Variants in LMO7 observed in about 807,000 individuals in gnomAD.
LMO7 encodes LIM domain 7.
In LMO7, 120 loss-of-function variants were observed where a neutral mutation model predicts 206.5. The observed-to-expected ratio is 0.58, with a 90% confidence interval of 0.50 to 0.68. The LOEUF is 0.68. Among genes scored for constraint, LMO7 ranks in the 30% least tolerant of loss-of-function variants. The pLI, the probability that LMO7 is intolerant of heterozygous loss-of-function variation, is 0.00. For missense variants in LMO7, 1,959 were observed against 1,957.9 expected (o/e 1.00, Z -0.01); for synonymous variants, 706 against 681.5 (o/e 1.04, Z -0.56).
intron 1 of LMO7, among the ~76,000 whole-genome samples, chr13:75,704,273 T>C (rs927737009): frequency 1.3e-5 from 2 of 152,204 alleles, no homozygotes; most frequent in African/African-American, 4.8e-5. Context: ...TCTTGGGAAT[T>C]GTTTCATGAT....
At chr13:75,761,623 G>A (rs1180865194) in intron 4 of LMO7, among the ~76,000 whole-genome samples, 1 of 152,092 alleles carries the variant, frequency 6.6e-6, no homozygotes, top group African/African-American at 2.4e-5. Context: ...ACGTATGCCA[G>A]TATCTGTTAG....
At chr13:75,756,510 T>G (rs1018963113) in intron 3 of LMO7, among the ~76,000 whole-genome samples, 1 of 152,114 alleles carries the variant, frequency 6.6e-6, no homozygotes, top group African/African-American at 2.4e-5. Context: ...CCAGAGGGTG[T>G]AGCCAAAAAC....
chr13:75,708,951 C>T (rs1443085937), intron 1 of LMO7, among the ~76,000 whole-genome samples: 3 of 152,042 alleles, frequency 2.0e-5, no homozygotes, highest in African/African-American at 2.4e-5. Context: ...TCCCCGCTCC[C>T]CCCACCCCAC....
At chr13:75,745,606 G>A (rs2046773003) in intron 3 of LMO7, among the ~76,000 whole-genome samples, 1 of 152,140 alleles carries the variant, frequency 6.6e-6, no homozygotes, top group Non-Finnish European at 1.5e-5. Flanking sequence ...TTCCGGGTGT[G>A]TTTGTGGGGC....
intron 8 of LMO7, 47 bp downstream of exon 8, chr13:75,804,588 T>C (rs746902706): frequency 6.3e-7 from 1 of 1,578,402 alleles, no homozygotes; most frequent in Non-Finnish European, 8.6e-7. Context: ...TTTTCGAATA[T>C]GGTAGGATGT....
At chr13:75,793,551 C>A (rs4884019) in intron 4 of LMO7, among the ~76,000 whole-genome samples, 5,685 of 152,304 alleles carry the variant, frequency 0.037, 129 homozygotes, top group Non-Finnish European at 0.052. Context: ...GCTGGGATTA[C>A]AGGCATGAGC....
intron 3 of LMO7, among the ~76,000 whole-genome samples, chr13:75,737,790 A>AAC (rs1555305778): frequency 3.1e-5 from 4 of 129,494 alleles, no homozygotes; most frequent in African/African-American, 6.4e-5. Flanking sequence ...AATAAAAAAA[A>AAC]AAAAAAAAAA....
In LMO7 at chr13:75,764,279, TGGATGAAA is replaced by T. The variant is rs1220121766; in HGVS notation, c.317+3242_317+3249del. Among the ~76,000 whole-genome samples, 5 of 152,290 alleles carry T rather than the reference TGGATGAAA, an allele frequency of 3.3e-5. No homozygotes were observed. The East Asian group carries it at 9.7e-4, about 29-fold the overall frequency. On this transcript the variant is annotated intron_variant, in intron 4 of 30. Coordinates refer to ENST00000377534, the MANE Select transcript of LMO7 (RefSeq NM_001306080.2). ...GAGGCCATGAAATCAATCTTTTGTG[TGGATGAAA>T]AACTGGATCATCATTCTTAACCATT...
At chr13:75,666,865 G>A (rs148232819) in intron 1 of LMO7, among the ~76,000 whole-genome samples, 1 of 152,298 alleles carries the variant, frequency 6.6e-6, no homozygotes, top group East Asian at 1.9e-4. Flanking sequence ...CAGCCAAACA[G>A]CTATTGCTGG....
intron 3 of LMO7, among the ~76,000 whole-genome samples, chr13:75,735,678 G>A (rs151336560): frequency 0.014 from 2,114 of 148,794 alleles, 49 homozygotes; most frequent in African/African-American, 0.048. Flanking sequence ...GTTTCACCAC[G>A]TTGGCCCGGG....
upstream of LMO7, among the ~76,000 whole-genome samples, chr13:75,632,851 ATTAC>A (rs1345063112): frequency 1.8e-5 from 2 of 109,326 alleles, no homozygotes; most frequent in African/African-American, 6.8e-5. Context: ...GTATTCACTA[ATTAC>A]TTAAAAGTTT....
At chr13:75,765,316 CTT>C (rs139335299) in intron 4 of LMO7, among the ~76,000 whole-genome samples, 10 of 119,452 alleles carry the variant, frequency 8.4e-5, no homozygotes, top group Admixed American at 4.9e-4. Flanking sequence ...CCTAGTTTTA[CTT>C]TTTTTTTTTT....
intron 3 of LMO7, among the ~76,000 whole-genome samples, chr13:75,738,882 G>A (rs1015683109): frequency 6.6e-6 from 1 of 152,164 alleles, no homozygotes; most frequent in Non-Finnish European, 1.5e-5. Flanking sequence ...TAGTCAGCCT[G>A]GACCCCTCAT....
intron 3 of LMO7, among the ~76,000 whole-genome samples, chr13:75,748,068 G>A (rs1306937281): frequency 6.6e-6 from 1 of 152,168 alleles, no homozygotes; most frequent in East Asian, 1.9e-4. Context: ...TTTGAAGACG[G>A]AGGAACAGGG....
exon 1 of LMO7, chr13:75,621,656 C>T (rs771533863): frequency 3.0e-5 from 39 of 1,290,622 alleles, no homozygotes; most frequent in South Asian, 2.0e-4. Flanking sequence ...TATATGGGTA[C>T]GGTCTAAAGC....
chr13:75,857,878 C>A, intron 30 of LMO7, 43 bp from the exon 31 acceptor site: 1 of 1,452,682 alleles, frequency 6.9e-7, no homozygotes, highest in South Asian at 1.2e-5. Context: ...ATTCACGTTT[C>A]TGAATCTAAG....
chr13:75,640,322 A>G (rs1323692), intron 1 of LMO7, among the ~76,000 whole-genome samples: 79,359 of 151,966 alleles, frequency 0.52, 21,042 homozygotes, highest in Admixed American at 0.62. Flanking sequence ...TGGTAGTTGT[A>G]CCAGTTAAAT....
intron 15 of LMO7, among the ~76,000 whole-genome samples, chr13:75,826,300 CA>C (rs780783935): frequency 2.3e-4 from 35 of 152,152 alleles, no homozygotes; most frequent in Admixed American, 1.8e-3. Context: ...TCTTGGCCTC[CA>C]AAAGTGCTGG....
In LMO7 at chr13:75,777,391, A is replaced by G. The variant is rs1415520164; in HGVS notation, c.317+16353A>G. On this transcript the variant is annotated intron_variant, in intron 4 of 30. Coordinates refer to ENST00000377534, the MANE Select transcript of LMO7 (RefSeq NM_001306080.2). ...TAAAGAAGAAAGTTTACCAATGGCA[A>G]TTAAATTTTTCTTCCCAGCCACGGT... Among the ~76,000 whole-genome samples the G allele has an allele frequency of 2.6e-5, 4 of 152,192 alleles. No individual in the cohort carries two copies. In the South Asian group the frequency reaches 6.2e-4, roughly 24 times the overall value.
Sources: gnomAD v4.1 joint callset for allele counts (sites outside exome capture counted in the v4.1 genomes callset) on GRCh38, gnomAD v4.1.1 for gene constraint, MANE v1.5 for transcripts, NCBI Gene and HGNC (gene_info 2026-07-23, HGNC 2026-07-21) for gene names.